Variants in SEL1L3 observed in about 807,000 individuals in gnomAD.
SEL1L3 encodes protein sel-1 homolog 3.
SEL1L3 carries 76 observed loss-of-function variants against 142.8 expected under a neutral mutation model. The observed-to-expected ratio is 0.53, with a 90% CI of 0.44 to 0.64. The LOEUF is 0.64. Among genes scored for constraint, SEL1L3 ranks in the 30% least tolerant of loss-of-function variants. The pLI is 0.00. For synonymous variants in SEL1L3, 504 were observed against 519.6 expected, an observed-to-expected ratio of 0.97 and a Z score of 0.41; for missense variants, 1,262 against 1,381.7, an observed-to-expected ratio of 0.91 and a Z score of 1.37.
intron 9 of SEL1L3, among the ~76,000 whole-genome samples, chr4:25,807,933 C>T (rs1713714262): frequency 6.6e-6 from 1 of 152,108 alleles, no homozygotes; most frequent in Non-Finnish European, 1.5e-5. Flanking sequence ...CAAAATATAA[C>T]CAAACAGTAT....
chr4:25,839,391 T>C (rs1716030312), intron 2 of SEL1L3, among the ~76,000 whole-genome samples: 1 of 152,210 alleles, frequency 6.6e-6, no homozygotes, highest in South Asian at 2.1e-4. Context: ...GAGATACATG[T>C]ACAGGGATGT....
the SEL1L3 span, among the ~76,000 whole-genome samples, chr4:25,726,696 C>A: frequency 6.6e-6 from 1 of 152,148 alleles, no homozygotes; most frequent in Admixed American, 6.5e-5. Context: ...TTCGAAGTCC[C>A]AGATACCCTT....
chr4:25,807,257 A>G (rs1713653702), intron 9 of SEL1L3, among the ~76,000 whole-genome samples: 2 of 152,212 alleles, frequency 1.3e-5, no homozygotes, highest in South Asian at 4.1e-4. Context: ...GCTATAACCA[A>G]CAACGTGGCA....
At chr4:25,833,592 A>T (rs199768757) in intron 3 of SEL1L3, 23 bp from the exon 4 acceptor site, 2 of 1,586,488 alleles carry the variant, frequency 1.3e-6, no homozygotes, top group Non-Finnish European at 1.7e-6. Flanking sequence ...GGGGGAAAAA[A>T]ATTCTGCAGA....
chr4:25,792,844 T>G (rs1375158821), intron 11 of SEL1L3, among the ~76,000 whole-genome samples: 1 of 152,216 alleles, frequency 6.6e-6, no homozygotes, highest in Non-Finnish European at 1.5e-5. Flanking sequence ...GTGCTCTTAA[T>G]GTTTTGTTTT....
chr4:25,827,474 C>T (rs1333954449), intron 6 of SEL1L3, among the ~76,000 whole-genome samples: 4 of 152,202 alleles, frequency 2.6e-5, no homozygotes, highest in Admixed American at 2.6e-4. Context: ...GCAAATCTGT[C>T]CCTTGTACCT....
Position 25,804,548 on chromosome 4 carries a change from T to G in SEL1L3, c.1769A>C (p.Gln590Pro), listed in dbSNP as rs1273282177. 8 of 1,608,474 alleles carry G rather than the reference T, an allele frequency of 5.0e-6. No homozygotes were observed. Among genetic ancestry groups the G allele is most frequent in the Middle Eastern group, 3.3e-4 (2 of 6,078 alleles). ...AGCAATGAAATACTCTACCTGCAGC[T>G]GATCCCGAGGAACATTTAATCCAGT... The part of the protein sequence containing the change: ...YETGLNVPRD[Q>P]LQGMLYSLVG... Residue 590 changes from glutamine (Q) to proline (P), a missense_variant, in exon 10 of 24, where the codon CAG becomes CCG. Gln to Pro is a moderately conservative substitution (Grantham distance 76). Transcript: ENST00000399878.
intron 17 of SEL1L3, among the ~76,000 whole-genome samples, chr4:25,768,830 TA>T (rs1718950509): frequency 5.9e-5 from 9 of 151,284 alleles, no homozygotes; most frequent in Admixed American, 1.3e-4. Context: ...AAGCAGAGTA[TA>T]AAACAATGCA....
chr4:25,737,515 G>A, the SEL1L3 span, among the ~76,000 whole-genome samples: 4 of 151,992 alleles, frequency 2.6e-5, no homozygotes, highest in Non-Finnish European at 5.9e-5. Context: ...ATGAGGGCTC[G>A]AACCTCATGA....
intron 1 of SEL1L3, among the ~76,000 whole-genome samples, chr4:25,849,173 T>A (rs1314963246): frequency 4.6e-5 from 7 of 152,076 alleles, no homozygotes; most frequent in Non-Finnish European, 2.9e-5. Flanking sequence ...ACCCAGCAAT[T>A]CCACTTCTGG....
At chr4:25,802,212 C>T (rs564856949) in intron 11 of SEL1L3, 71 bp downstream of exon 11, 2 of 1,416,438 alleles carry the variant, frequency 1.4e-6, no homozygotes, top group Admixed American at 2.2e-5. Flanking sequence ...AAAGCAACCA[C>T]AGGGGCAGAC....
chr4:25,744,457 G>A (rs1057450448), downstream of SEL1L3, among the ~76,000 whole-genome samples: 2 of 148,408 alleles, frequency 1.3e-5, no homozygotes, highest in Non-Finnish European at 3.0e-5. Flanking sequence ...AGGTTCAAGC[G>A]ATGCTCATGC....
intron 17 of SEL1L3, among the ~76,000 whole-genome samples, chr4:25,768,998 TC>T (rs1293509525): frequency 2.1e-5 from 3 of 144,024 alleles, no homozygotes; most frequent in Non-Finnish European, 3.0e-5. Context: ...TAATTTTTAT[TC>T]TATTCTTTTT....
chr4:25,815,876 T>A (rs1714359187), intron 9 of SEL1L3, among the ~76,000 whole-genome samples: 1 of 141,948 alleles, frequency 7.0e-6, no homozygotes, highest in South Asian at 2.3e-4. Context: ...TTGGGGGGGG[T>A]GCTTTTGGTA....
chr4:25,849,619 A>G (rs1716754953), intron 1 of SEL1L3, among the ~76,000 whole-genome samples: 1 of 152,210 alleles, frequency 6.6e-6, no homozygotes, highest in Non-Finnish European at 1.5e-5. Context: ...TGGTTGCAAA[A>G]CAGTGGGAAT....
In SEL1L3 at chr4:25,765,037, C is replaced by T. The variant is rs3733544; in HGVS notation, c.2955+289G>A. On this transcript the variant is annotated intron_variant, in intron 20 of 23. Coordinates refer to ENST00000399878, the MANE Select transcript of SEL1L3 (RefSeq NM_015187.5). Reference sequence around the variant, plus strand: ...TGAGACAGGGTCTTGCTCTGTCACCCAGGCTGGAGTGCAATGGTGTGATCA... The same window carrying T: ...TGAGACAGGGTCTTGCTCTGTCACCTAGGCTGGAGTGCAATGGTGTGATCA... Among the ~76,000 whole-genome samples the T allele has an allele frequency of 0.21, 32,346 of 152,094 alleles. 3,640 individuals carry two copies. The highest frequency in any genetic ancestry group is 0.28 in the Middle Eastern group (83 of 294).
At chr4:25,825,459 G>A (rs765041142) in intron 6 of SEL1L3, among the ~76,000 whole-genome samples, 52 of 152,174 alleles carry the variant, frequency 3.4e-4, no homozygotes, top group Middle Eastern at 3.4e-3. Context: ...CTGGACATAG[G>A]AGAGTGCCCT....
At chr4:25,733,036 G>A in the SEL1L3 span, among the ~76,000 whole-genome samples, 1 of 151,360 alleles carries the variant, frequency 6.6e-6, no homozygotes, top group Non-Finnish European at 1.5e-5. Context: ...ATGAGCCACT[G>A]CGCCTGGCGA....
intron 6 of SEL1L3, 74 bp downstream of exon 6, chr4:25,830,024 C>A: frequency 1.1e-6 from 1 of 910,494 alleles, no homozygotes; most frequent in South Asian, 1.4e-5. Flanking sequence ...AACATTAGGG[C>A]TGAGGGCTAA....
Sources: gnomAD v4.1 joint callset for allele counts (sites outside exome capture counted in the v4.1 genomes callset) on GRCh38, gnomAD v4.1.1 for gene constraint, MANE v1.5 for transcripts, NCBI Gene and HGNC (gene_info 2026-07-23, HGNC 2026-07-21) for gene names.